PTPN11: variants seen among roughly 807,000 people sequenced by gnomAD.
PTPN11 encodes the protein protein tyrosine phosphatase non-receptor type 11.
In PTPN11, 6 loss-of-function variants were observed where a neutral mutation model predicts 78.8. The ratio of observed to expected loss-of-function variants is 0.08; its 90% CI spans 0.04 to 0.15. The LOEUF (loss-of-function observed/expected upper bound fraction) is 0.15. Ranked by LOEUF, PTPN11 falls within the 10% of genes least tolerant of loss-of-function variation. The pLI, the probability that PTPN11 is intolerant of heterozygous loss-of-function variation, is 1.00. For synonymous variants in PTPN11, 221 were observed against 263.5 expected (o/e 0.84, Z 1.56); for missense variants, 386 against 744.8 (o/e 0.52, Z 5.61).
intron 13 of PTPN11, among the ~76,000 whole-genome samples, chr12:112,494,811 CT>C (rs1312472918): frequency 6.6e-6 from 1 of 152,160 alleles, no homozygotes; most frequent in Admixed American, 6.6e-5. Context: ...GATGGTTCGA[CT>C]TATGATTTTT....
intron 7 of PTPN11, among the ~76,000 whole-genome samples, chr12:112,476,730 T>C (rs1201031122): frequency 1.3e-5 from 2 of 152,018 alleles, no homozygotes; most frequent in African/African-American, 4.8e-5. Context: ...GATAGTGCTA[T>C]TGCACTCCAA....
chr12:112,429,034 A>G lies in PTPN11; in HGVS notation c.14+9909A>G, dbSNP rs1216278958. 2.0e-5 allele frequency among the ~76,000 whole-genome samples: 3 copies of G among 152,228 alleles called. No homozygotes were observed. The East Asian group carries it at 5.8e-4, about 29-fold the overall frequency. Reference sequence around the variant, plus strand: ...AGTGCTGGGATTACAGGCGTGAGCCACCGCGTCCGGCCTCTTAACTATTGT... The same window carrying G: ...AGTGCTGGGATTACAGGCGTGAGCCGCCGCGTCCGGCCTCTTAACTATTGT... On this transcript the variant is annotated intron_variant, in intron 1 of 15. Coordinates refer to ENST00000351677, the MANE Select transcript of PTPN11 (RefSeq NM_002834.5).
chr12:112,461,011 G>A (rs946799489), intron 6 of PTPN11, among the ~76,000 whole-genome samples: 1 of 152,040 alleles, frequency 6.6e-6, no homozygotes, highest in Admixed American at 6.6e-5. Context: ...GTGCCTCTCT[G>A]TGGTGGACTT....
At chr12:112,458,344 G>C (rs1167779760) in intron 6 of PTPN11, among the ~76,000 whole-genome samples, 1 of 152,166 alleles carries the variant, frequency 6.6e-6, no homozygotes, top group African/African-American at 2.4e-5. Context: ...CTGAGTAGCT[G>C]GTACTACAGG....
At chr12:112,480,103 G>A (rs971983727) in intron 9 of PTPN11, among the ~76,000 whole-genome samples, 1 of 152,160 alleles carries the variant, frequency 6.6e-6, no homozygotes, top group African/African-American at 2.4e-5. Context: ...AGAAACTAGG[G>A]GGAGGGCTGA....
At chr12:112,467,224 G>A (rs1399382051) in intron 6 of PTPN11, among the ~76,000 whole-genome samples, 1 of 152,170 alleles carries the variant, frequency 6.6e-6, no homozygotes, top group East Asian at 1.9e-4. Flanking sequence ...ACATGGATCA[G>A]GACATTGACT....
chr12:112,504,651 G>GGTCT lies in PTPN11; in HGVS notation c.1713-43_1713-40dup, dbSNP rs1260637772. On this transcript the variant is annotated intron_variant, in intron 14 of 15. Coordinates refer to ENST00000351677, the MANE Select transcript of PTPN11 (RefSeq NM_002834.5). The surrounding 1 kb of genome is among the most constrained non-coding windows in gnomAD (Gnocchi z 4.7). ...GATATCATGTAAGCTTAAACAGCGT[G>GGTCT]GTCTACATTTTTGTAAATGTCTTTC... The GGTCT allele has an allele frequency of 7.2e-7, 1 of 1,382,036 alleles. No individual in the cohort carries two copies. The allele number at this position is 1,382,036 out of a possible 1,614,324, so 85.6% of individuals were successfully genotyped here.
chr12:112,486,742 CTGTT>C (rs1166970646), intron 11 of PTPN11, 113 bp downstream of exon 11: 1 of 1,534,584 alleles, frequency 6.5e-7, no homozygotes. Flanking sequence ...AATTTAATAT[CTGTT>C]TGAGGCATAG....
At chr12:112,496,504 G>T (rs1327764765) in intron 13 of PTPN11, among the ~76,000 whole-genome samples, 2 of 152,050 alleles carry the variant, frequency 1.3e-5, no homozygotes, top group Non-Finnish European at 2.9e-5. Flanking sequence ...TGAATCCATG[G>T]ATTCATATAT....
intron 11 of PTPN11, chr12:112,487,023 T>A: frequency 1.5e-6 from 1 of 654,928 alleles, no homozygotes; most frequent in Non-Finnish European, 2.1e-6. Flanking sequence ...TAGGCCTGAC[T>A]CTTGAGGATC....
chr12:112,420,948 C>T (rs912366834), intron 1 of PTPN11, among the ~76,000 whole-genome samples: 7 of 152,050 alleles, frequency 4.6e-5, no homozygotes, highest in African/African-American at 1.7e-4. Flanking sequence ...CTCTTCCAGA[C>T]AAGTAAGGAT....
At chr12:112,494,150 A>T (rs1353116718) in intron 13 of PTPN11, among the ~76,000 whole-genome samples, 1 of 152,176 alleles carries the variant, frequency 6.6e-6, no homozygotes, top group Admixed American at 6.5e-5. Flanking sequence ...GCTACTTGGG[A>T]CACTGAGGCA....
chr12:112,428,358 T>C (rs764974755), intron 1 of PTPN11, among the ~76,000 whole-genome samples: 1 of 151,714 alleles, frequency 6.6e-6, no homozygotes, highest in Non-Finnish European at 1.5e-5. Flanking sequence ...TGTCAAATTA[T>C]GCTAGGTGTG....
At chr12:112,444,386 G>T (rs1385086431) in intron 1 of PTPN11, among the ~76,000 whole-genome samples, 2 of 151,610 alleles carry the variant, frequency 1.3e-5, no homozygotes, top group Non-Finnish European at 1.5e-5. Context: ...CTGTCACCCA[G>T]GCTGGAGTGT....
intron 13 of PTPN11, among the ~76,000 whole-genome samples, chr12:112,501,923 C>T (rs1372696498): frequency 1.3e-5 from 2 of 152,180 alleles, no homozygotes; most frequent in African/African-American, 4.8e-5. Context: ...TCTGTGCTTT[C>T]AAATTCTGTG....
At chr12:112,423,947 T>C (rs2037564483) in intron 1 of PTPN11, among the ~76,000 whole-genome samples, 1 of 152,102 alleles carries the variant, frequency 6.6e-6, no homozygotes, top group African/African-American at 2.4e-5. Context: ...AGTTAGGGTC[T>C]TGCTCTGTTG....
At chr12:112,503,520 G>A (rs2038901804) in intron 14 of PTPN11, among the ~76,000 whole-genome samples, 1 of 152,168 alleles carries the variant, frequency 6.6e-6, no homozygotes, top group South Asian at 2.1e-4. Context: ...TACAGCAGAG[G>A]TATTTTCTCG....
chr12:112,439,930 G>A (rs754386530), intron 1 of PTPN11, among the ~76,000 whole-genome samples: 1 of 151,802 alleles, frequency 6.6e-6, no homozygotes, highest in Non-Finnish European at 1.5e-5. Context: ...TCAGTTTCCA[G>A]TTGCCACACC....
chr12:112,480,183 A>G (rs761295703), intron 9 of PTPN11, among the ~76,000 whole-genome samples: 2 of 152,184 alleles, frequency 1.3e-5, no homozygotes, highest in Non-Finnish European at 2.9e-5. Context: ...TGAGTTCCCT[A>G]TAGTGACTGG....
Sources: allele counts gnomAD v4.1 joint callset (sites outside exome capture counted in the v4.1 genomes callset), GRCh38; gene constraint gnomAD v4.1.1; non-coding constraint Gnocchi (gnomAD v3.1); transcripts MANE v1.5; gene names NCBI Gene and HGNC (gene_info 2026-07-23, HGNC 2026-07-21).